The following FTO variants were observed in gnomAD, a reference collection of about 807,000 sequenced individuals.
FTO encodes FTO alpha-ketoglutarate dependent dioxygenase, also known as alpha-ketoglutarate-dependent dioxygenase FTO.
A neutral mutation model predicts 63.9 loss-of-function variants in FTO; 47 were observed. The ratio of observed to expected loss-of-function variants is 0.74; its 90% CI spans 0.58 to 0.94. The LOEUF is 0.94. FTO is among the 40% of genes least tolerant of loss of function. The pLI, the probability that FTO is intolerant of heterozygous loss-of-function variation, is 0.00. For missense variants in FTO, 562 were observed against 618.1 expected (o/e 0.91, Z 0.96); for synonymous variants, 207 against 224.4 (o/e 0.92, Z 0.69).
chr16:53,948,412 G>A (rs892471731), intron 8 of FTO, among the ~76,000 whole-genome samples: 1 of 152,232 alleles, frequency 6.6e-6, no homozygotes, highest in Non-Finnish European at 1.5e-5. Flanking sequence ...TGTAGATAAA[G>A]CCAGAGAGGT....
At chr16:53,990,537 C>T (rs1348009549) in intron 8 of FTO, among the ~76,000 whole-genome samples, 2 of 152,170 alleles carry the variant, frequency 1.3e-5, no homozygotes, top group Non-Finnish European at 2.9e-5. Flanking sequence ...CCCATAAAGG[C>T]TGGATGTAGC....
intron 4 of FTO, among the ~76,000 whole-genome samples, chr16:53,859,010 G>T (rs773680901): frequency 3.3e-5 from 5 of 152,180 alleles, no homozygotes; most frequent in African/African-American, 1.2e-4. Context: ...TTTAGCCAGG[G>T]CTACCTTTCT....
chr16:53,712,563 G>C (rs1485515213), intron 1 of FTO, among the ~76,000 whole-genome samples: 1 of 152,166 alleles, frequency 6.6e-6, no homozygotes, highest in Non-Finnish European at 1.5e-5. Context: ...TCGAGTAACA[G>C]TGAGTTCTTG....
At chr16:54,015,830 A>G (rs906871142) in intron 8 of FTO, among the ~76,000 whole-genome samples, 1 of 152,206 alleles carries the variant, frequency 6.6e-6, no homozygotes, top group African/African-American at 2.4e-5. Flanking sequence ...AAGTTCGGAC[A>G]GCCTCCAGCA....
chr16:53,736,371 G>A (rs1167084643), intron 1 of FTO, among the ~76,000 whole-genome samples: 6 of 146,680 alleles, frequency 4.1e-5, no homozygotes, highest in Non-Finnish European at 7.5e-5. Context: ...AAAAAAAAAA[G>A]CTCCACCATC....
intron 8 of FTO, among the ~76,000 whole-genome samples, chr16:54,026,777 G>T (rs1211194507): frequency 6.6e-6 from 1 of 152,010 alleles, no homozygotes; most frequent in Non-Finnish European, 1.5e-5. Context: ...AAAACTTTAG[G>T]TCATTAAATA....
chr16:54,030,949 C>T (rs1479109852), intron 8 of FTO, among the ~76,000 whole-genome samples: 3 of 152,108 alleles, frequency 2.0e-5, no homozygotes, highest in Non-Finnish European at 4.4e-5. Flanking sequence ...TATTAAGAAA[C>T]TGAAGTATTA....
chr16:53,848,625 G>A (rs933292007), intron 4 of FTO, among the ~76,000 whole-genome samples: 1 of 152,230 alleles, frequency 6.6e-6, no homozygotes, highest in Non-Finnish European at 1.5e-5. Flanking sequence ...GTCTTTCTCA[G>A]AGTAGGATGA....
intron 1 of FTO, among the ~76,000 whole-genome samples, chr16:53,714,037 A>G (rs534483665): frequency 1.3e-5 from 2 of 152,288 alleles, no homozygotes; most frequent in South Asian, 2.1e-4. Context: ...TTACAAGATA[A>G]CCATGCCTCC....
chr16:53,881,152 A>AAT (rs2080821430), intron 6 of FTO, among the ~76,000 whole-genome samples: 2 of 149,770 alleles, frequency 1.3e-5, no homozygotes, highest in African/African-American at 5.0e-5. Flanking sequence ...TAAATAAATA[A>AAT]AAATAAAATA....
At chr16:53,710,715 A>T (rs1223042078) in intron 1 of FTO, among the ~76,000 whole-genome samples, 1 of 152,210 alleles carries the variant, frequency 6.6e-6, no homozygotes, top group Non-Finnish European at 1.5e-5. Flanking sequence ...CTAATATTTA[A>T]AAGTTGAGGG....
At chr16:53,904,319 G>A (rs2081481355) in intron 7 of FTO, among the ~76,000 whole-genome samples, 1 of 152,180 alleles carries the variant, frequency 6.6e-6, no homozygotes, top group South Asian at 2.1e-4. Flanking sequence ...GAGCAACAGA[G>A]CTGGGGTTTG....
At chr16:53,744,834 C>CT (rs34755534) in intron 1 of FTO, among the ~76,000 whole-genome samples, 102,434 of 150,958 alleles carry the variant, frequency 0.68, 35,142 homozygotes, top group African/African-American at 0.77. Context: ...TTCCCCCCCC[C>CT]CATATATGAA....
At chr16:53,883,645 A>AAAAAAC (rs2080918297) in intron 6 of FTO, among the ~76,000 whole-genome samples, 3 of 150,322 alleles carry the variant, frequency 2.0e-5, no homozygotes, top group African/African-American at 7.4e-5. Context: ...ACAAAAAAAA[A>AAAAAAC]AAAACAAATT....
intron 8 of FTO, among the ~76,000 whole-genome samples, chr16:54,054,253 C>G (rs757276397): frequency 2.3e-4 from 35 of 152,236 alleles, no homozygotes; most frequent in Middle Eastern, 6.8e-3. Context: ...GAAATTAACT[C>G]CATTACACTA....
At chr16:53,782,078 C>T (rs1350925874) in intron 1 of FTO, among the ~76,000 whole-genome samples, 1 of 152,090 alleles carries the variant, frequency 6.6e-6, no homozygotes, top group African/African-American at 2.4e-5. Context: ...AGACAAGTGC[C>T]CGTATACCCA....
chr16:53,867,763 T>G (rs2080369505), intron 4 of FTO, among the ~76,000 whole-genome samples: 1 of 152,184 alleles, frequency 6.6e-6, no homozygotes, highest in Non-Finnish European at 1.5e-5. Flanking sequence ...ATTTTCTGCC[T>G]GCTGTATCTG....
intron 8 of FTO, among the ~76,000 whole-genome samples, chr16:54,049,622 T>C (rs2085268017): frequency 6.6e-6 from 1 of 152,350 alleles, no homozygotes; most frequent in African/African-American, 2.4e-5. Context: ...TGTCTTTGTA[T>C]CTTTGCATTT....
intron 8 of FTO, among the ~76,000 whole-genome samples, chr16:53,964,487 A>G (rs912292240): frequency 6.6e-6 from 1 of 152,204 alleles, no homozygotes; most frequent in East Asian, 1.9e-4. Context: ...TGCTGGTGAG[A>G]GAGATGTTCT....
Sources: allele counts gnomAD v4.1 joint callset (sites outside exome capture counted in the v4.1 genomes callset), GRCh38; gene constraint gnomAD v4.1.1; transcripts MANE v1.5; gene names NCBI Gene and HGNC (gene_info 2026-07-23, HGNC 2026-07-21).